The following CENPF variants were observed in gnomAD, a reference collection of about 807,000 sequenced individuals.
CENPF encodes the protein centromere protein F.
CENPF carries 214 observed loss-of-function variants against 307.3 expected under a neutral mutation model. The ratio of observed to expected loss-of-function variants is 0.70; its 90% CI spans 0.62 to 0.78. CENPF has a LOEUF of 0.78. Among genes scored for constraint, CENPF ranks in the 30% least tolerant of loss-of-function variants. The pLI, the probability that CENPF is intolerant of heterozygous loss-of-function variation, is 0.00. For missense variants in CENPF, 3,401 were observed against 3,483.9 expected (o/e 0.98, Z 0.60); for synonymous variants, 1,259 against 1,270.6 (o/e 0.99, Z 0.19).
rs1558188450 is a variant in CENPF at position 214,648,828 on chromosome 1, G to GT, written c.7983+2dup. On this transcript the variant is annotated splice_donor_variant, in intron 14 of 19. Coordinates refer to ENST00000366955, the MANE Select transcript of CENPF (RefSeq NM_016343.4). LOFTEE classifies it high-confidence loss of function. Reference sequence around the variant, plus strand: ...GTTGGAAGAAATAAAGAGCAGCAAAGTAAGTTTCTTTGTGACAAGTGTTAT... The same window carrying GT: ...GTTGGAAGAAATAAAGAGCAGCAAAGTTAAGTTTCTTTGTGACAAGTGTTAT... 2 of 1,612,764 alleles carry GT rather than the reference G, an allele frequency of 1.2e-6. No individual in the cohort carries two copies. Among genetic ancestry groups the GT allele is most frequent in the South Asian group, 1.1e-5 (1 of 90,778 alleles).
intron 7 of CENPF, among the ~76,000 whole-genome samples, chr1:214,623,170 C>G (rs566900132): frequency 4.5e-4 from 69 of 152,288 alleles, no homozygotes; most frequent in Admixed American, 3.7e-3. Flanking sequence ...GAGATTGTGC[C>G]ACTGCACTCC....
intron 10 of CENPF, 82 bp downstream of exon 10, chr1:214,632,684 C>T (rs924599313): frequency 5.3e-6 from 8 of 1,512,124 alleles, no homozygotes; most frequent in Non-Finnish European, 7.2e-6. Flanking sequence ...TTCCATTTGT[C>T]AGTTGCTTGT....
intron 6 of CENPF, among the ~76,000 whole-genome samples, chr1:214,621,438 G>T (rs1465395610): frequency 6.6e-6 from 1 of 152,212 alleles, no homozygotes; most frequent in Non-Finnish European, 1.5e-5. Flanking sequence ...ACCAGGTGGT[G>T]TTTTGGAATC....
In CENPF at chr1:214,646,319, T is replaced by C. The variant is rs1191928444; in HGVS notation, c.6749T>C (p.Ile2250Thr). ...LEEKEQAEIQ[I>T]KEESKTAVEM... is the part of the protein sequence containing the mutation. ...GAAAAGGAGCAAGCAGAGATACAGATCAAAGAAGAATCTAAAACTGCAGTG... is the reference window on the plus strand; with the variant it reads ...GAAAAGGAGCAAGCAGAGATACAGACCAAAGAAGAATCTAAAACTGCAGTG... Residue 2250 changes from isoleucine to threonine, a missense_variant, in exon 13 of 20, where the codon ATC becomes ACC. Transcript: ENST00000366955. 5 of 1,613,878 alleles carry C rather than the reference T, an allele frequency of 3.1e-6. No individual in the cohort carries two copies. Among genetic ancestry groups the C allele is most frequent in the Middle Eastern group, 1.7e-4 (1 of 6,060 alleles).
At chr1:214,619,397 G>T (rs543736151) in intron 5 of CENPF, among the ~76,000 whole-genome samples, 177 bp downstream of exon 5, 2 of 152,286 alleles carry the variant, frequency 1.3e-5, no homozygotes, top group South Asian at 4.2e-4. Context: ...TAAAAATAGG[G>T]TGGAATGAAT....
intron 7 of CENPF, 50 bp from the exon 8 acceptor site, chr1:214,628,996 T>G: frequency 7.2e-7 from 1 of 1,380,190 alleles, no homozygotes; most frequent in Non-Finnish European, 9.8e-7. Flanking sequence ...TATTTGTTCA[T>G]TTATGTGAGT....
chr1:214,659,212 T>C lies in CENPF; in HGVS notation c.9141+184T>C, dbSNP rs1658728915. Among the ~76,000 whole-genome samples the C allele has an allele frequency of 6.6e-6, 1 of 152,130 alleles. No homozygotes were observed. The highest frequency in any genetic ancestry group is 6.5e-5 in the Admixed American group (1 of 15,274). Reference sequence around the variant, plus strand: ...GTGAGCATTACAGTATCAGGGTACATGATCTCATCCTTCAGTCAACAGGCC... The same window carrying C: ...GTGAGCATTACAGTATCAGGGTACACGATCTCATCCTTCAGTCAACAGGCC... On this transcript the variant is annotated intron_variant, in intron 19 of 19. Coordinates refer to ENST00000366955, the MANE Select transcript of CENPF (RefSeq NM_016343.4). This position sits in a 1 kb window ranked among gnomAD's most constrained non-coding sequence, Gnocchi z 4.4.
chr1:214,659,559 C>A lies in CENPF; in HGVS notation c.9141+531C>A, dbSNP rs1658740009. ...ACAGGATCTTAGTGACTTCTGTGTA[C>A]CCTACAACATCCCAGAAAATGTTAT... is the stretch of plus-strand genomic sequence containing the variant. On this transcript the variant is annotated intron_variant, in intron 19 of 19. Coordinates refer to ENST00000366955, the MANE Select transcript of CENPF (RefSeq NM_016343.4). This position sits in a 1 kb window ranked among gnomAD's most constrained non-coding sequence, Gnocchi z 4.4. Among the ~76,000 whole-genome samples the A allele has an allele frequency of 6.6e-6, 1 of 152,040 alleles. No individual in the cohort carries two copies. Among genetic ancestry groups the A allele is most frequent in the Non-Finnish European group, 1.5e-5 (1 of 68,016 alleles).
rs61732041 is a variant in CENPF at position 214,641,011 on chromosome 1, C to T, written c.2673C>T (p.Asp891=). The part of the protein sequence containing the change: ...TSQRISKLQE[D]TSAHQNVVAE... Reference sequence around the variant, plus strand: ...AGCGCATTAGTAAGTTACAGGAAGACACTTCTGCTCACCAGAATGTTGTTG... The same window carrying T: ...AGCGCATTAGTAAGTTACAGGAAGATACTTCTGCTCACCAGAATGTTGTTG... Residue 891 remains aspartate (D), a synonymous_variant, in exon 12 of 20, where the codon GAC becomes GAT. Coordinates refer to ENST00000366955, the MANE Select transcript of CENPF (RefSeq NM_016343.4). The T allele has an allele frequency of 1.0e-3, 1,571 of 1,574,314 alleles. 12 individuals carry two copies. In the African/African-American group the frequency reaches 0.016, roughly 16 times the overall value.
Position 214,642,969 on chromosome 1 carries a change from C to T in CENPF, c.4631C>T (p.Ala1544Val). The T allele has an allele frequency of 6.2e-7, 1 of 1,612,574 alleles. No homozygotes were observed. The highest frequency in any genetic ancestry group is 1.3e-5 in the African/African-American group (1 of 74,790). ...CTGACCAGGAAAGAAACCCCTTCGG[C>T]CCCAGCGAAGGGTGTTGAAGAGCTT... Reference protein sequence around the residue: ...ENLTRKETPSAPAKGVEELES... With the variant: ...ENLTRKETPSVPAKGVEELES... The change falls in exon 12 of 20, where the codon GCC becomes GTC. Residue 1544 changes from alanine to valine, a missense_variant. Transcript: ENST00000366955.
Position 214,646,863 on chromosome 1 carries a change from G to A in CENPF, c.7293G>A (p.Gln2431=), listed in dbSNP as rs146914457. 8.7e-5 allele frequency: 140 copies of A among 1,613,460 alleles called. 1 individual carries two copies. In the African/African-American group the frequency reaches 1.8e-3, roughly 20 times the overall value. ...ILQEKEQEKV[Q]MKEKSSTAME... ...AAGAAAAAGAGCAAGAGAAAGTACAGATGAAAGAAAAATCAAGCACTGCCA... is the reference window on the plus strand; with the variant it reads ...AAGAAAAAGAGCAAGAGAAAGTACAAATGAAAGAAAAATCAAGCACTGCCA... Residue 2431 remains glutamine (Q), a synonymous_variant, in exon 13 of 20, where the codon CAG becomes CAA. Transcript: ENST00000366955.
intron 12 of CENPF, among the ~76,000 whole-genome samples, chr1:214,643,943 T>C (rs1422168922): frequency 6.6e-6 from 1 of 152,244 alleles, no homozygotes; most frequent in Non-Finnish European, 1.5e-5. Context: ...ATATAGTGTA[T>C]GCATGTCACT....
intron 7 of CENPF, among the ~76,000 whole-genome samples, chr1:214,627,324 G>T (rs1405228574): frequency 6.6e-6 from 1 of 150,514 alleles, no homozygotes; most frequent in African/African-American, 2.5e-5. Flanking sequence ...CTCCCAAAGT[G>T]CTGGGATTAC....
At chr1:214,652,547 A>C (rs1315140178) in intron 15 of CENPF, among the ~76,000 whole-genome samples, 1 of 144,194 alleles carries the variant, frequency 6.9e-6, no homozygotes, top group Non-Finnish European at 1.5e-5. Flanking sequence ...GGGTTCAAGC[A>C]ATTCTCCTGT....
chr1:214,622,553 A>G (rs184099224), intron 7 of CENPF, among the ~76,000 whole-genome samples: 1 of 152,326 alleles, frequency 6.6e-6, no homozygotes, highest in East Asian at 1.9e-4. Flanking sequence ...GAAAATGTAT[A>G]TATAGCATCT....
At chr1:214,637,624 G>A (rs964110402) in intron 10 of CENPF, among the ~76,000 whole-genome samples, 15 of 152,154 alleles carry the variant, frequency 9.9e-5, no homozygotes, top group African/African-American at 3.6e-4. Context: ...CAATGAGAAA[G>A]TTCAATGAAA....
intron 1 of CENPF, 47 bp from the exon 2 acceptor site, chr1:214,613,667 G>A (rs1220078809): frequency 1.5e-6 from 2 of 1,335,822 alleles, no homozygotes; most frequent in East Asian, 2.4e-5. Context: ...CTGAGACTTT[G>A]TTTCCTTTTA....
intron 2 of CENPF, among the ~76,000 whole-genome samples, chr1:214,614,448 T>A (rs1026355381): frequency 5.3e-5 from 8 of 152,248 alleles, no homozygotes; most frequent in African/African-American, 1.9e-4. Context: ...TAAATAGTGA[T>A]ACAGTCATTG....
At chr1:214,613,297 C>G (rs1657246895) in intron 1 of CENPF, 1 of 253,234 alleles carries the variant, frequency 3.9e-6, no homozygotes, top group Admixed American at 4.0e-5. Flanking sequence ...TAAACACCAG[C>G]TAACTATGCC....
Sources: gnomAD v4.1 joint callset for allele counts (sites outside exome capture counted in the v4.1 genomes callset) on GRCh38, gnomAD v4.1.1 for gene constraint, Gnocchi (gnomAD v3.1) non-coding constraint, MANE v1.5 for transcripts, NCBI Gene and HGNC (gene_info 2026-07-23, HGNC 2026-07-21) for gene names.